The following SLC28A3 variants were observed in gnomAD, a reference collection of about 807,000 sequenced individuals.
SLC28A3 encodes the protein concentrative Na(+)-nucleoside cotransporter 3.
In SLC28A3, 68 loss-of-function variants were observed where a neutral mutation model predicts 84.2. That is an observed-to-expected ratio of 0.81 (90% CI 0.66 to 0.99). SLC28A3 has a LOEUF of 0.99. SLC28A3 is among the 50% of genes least tolerant of loss of function. The pLI, the probability that SLC28A3 is intolerant of heterozygous loss-of-function variation, is 0.00. For missense variants in SLC28A3, 712 were observed against 841.5 expected (o/e 0.85, Z 1.90); for synonymous variants, 267 against 303.6 (o/e 0.88, Z 1.25).
upstream of SLC28A3, among the ~76,000 whole-genome samples, chr9:84,344,479 G>C (rs753312041): frequency 2.0e-5 from 3 of 152,124 alleles, no homozygotes; most frequent in Non-Finnish European, 4.4e-5. Flanking sequence ...GTGAGCCACC[G>C]CACCCGGCCC....
At chr9:84,314,275 T>C (rs1274337762) in intron 1 of SLC28A3, among the ~76,000 whole-genome samples, 2 of 152,194 alleles carry the variant, frequency 1.3e-5, no homozygotes, top group Non-Finnish European at 2.9e-5. Context: ...TTTGCTCTTA[T>C]AGGGCCGTCC....
upstream of SLC28A3, among the ~76,000 whole-genome samples, chr9:84,344,274 C>T (rs148042577): frequency 3.8e-3 from 565 of 150,612 alleles, 7 homozygotes; most frequent in African/African-American, 0.013. Context: ...CTGCAACCTC[C>T]GACTTCCGGG....
At chr9:84,346,125 T>C in the SLC28A3 span, among the ~76,000 whole-genome samples, 104 of 152,346 alleles carry the variant, frequency 6.8e-4, no homozygotes, top group African/African-American at 2.1e-3. Context: ...TTTTAAACTT[T>C]GAAACCATTG....
chr9:84,352,399 G>T, the SLC28A3 span, among the ~76,000 whole-genome samples: 1 of 151,740 alleles, frequency 6.6e-6, no homozygotes, highest in Admixed American at 6.6e-5. Context: ...TGGCCAGGCT[G>T]GTCTTGAACT....
At chr9:84,352,039 AAG>A in the SLC28A3 span, among the ~76,000 whole-genome samples, 4 of 152,210 alleles carry the variant, frequency 2.6e-5, no homozygotes, top group Non-Finnish European at 5.9e-5. Context: ...AAGTTACAAA[AAG>A]AGATGCTTTT....
At chr9:84,328,046 A>T (rs1826632602) in intron 1 of SLC28A3, among the ~76,000 whole-genome samples, 1 of 151,794 alleles carries the variant, frequency 6.6e-6, no homozygotes, top group Non-Finnish European at 1.5e-5. Context: ...TAGCTGCCTG[A>T]GGTGGTGGTA....
intron 5 of SLC28A3, among the ~76,000 whole-genome samples, chr9:84,300,677 T>G (rs1825593973): frequency 6.6e-6 from 1 of 152,190 alleles, no homozygotes; most frequent in Non-Finnish European, 1.5e-5. Context: ...GGGGGCCACC[T>G]GAAGGGAGAG....
chr9:84,336,716 T>C (rs1011418603), intron 1 of SLC28A3, among the ~76,000 whole-genome samples: 2 of 152,128 alleles, frequency 1.3e-5, no homozygotes, highest in African/African-American at 2.4e-5. Context: ...TTCTGAGCGA[T>C]TCCTTCTAAA....
At chr9:84,307,437 A>AAAAAAAAAAAAAAAC (rs1554726619) in intron 3 of SLC28A3, among the ~76,000 whole-genome samples, 3 of 111,006 alleles carry the variant, frequency 2.7e-5, no homozygotes, top group African/African-American at 6.7e-5. Flanking sequence ...TCTCAAAAAA[A>AAAAAAAAAAAAAAAC]AAAAAAAACA....
chr9:84,361,874 A>G, the SLC28A3 span, among the ~76,000 whole-genome samples: 1 of 150,810 alleles, frequency 6.6e-6, no homozygotes, highest in East Asian at 1.9e-4. Context: ...GCGCCATGGC[A>G]CTGTAGCCTG....
the SLC28A3 span, among the ~76,000 whole-genome samples, chr9:84,356,789 C>T: frequency 6.6e-6 from 1 of 151,962 alleles, no homozygotes; most frequent in South Asian, 2.1e-4. Context: ...TGAGATCACG[C>T]CACTGCACTC....
At chr9:84,315,419 A>G (rs143141591) in intron 1 of SLC28A3, among the ~76,000 whole-genome samples, 94 of 152,276 alleles carry the variant, frequency 6.2e-4, no homozygotes, top group African/African-American at 2.2e-3. Context: ...TTCTAATTCT[A>G]TTAGGAGATT....
rs757957901 is a variant in SLC28A3, at chr9:84,280,807, C to T, written c.1723G>A (p.Gly575Arg). The T allele has an allele frequency of 1.4e-5, 22 of 1,613,742 alleles. No homozygotes were observed. Among genetic ancestry groups the T allele is most frequent in the Middle Eastern group, 1.6e-4 (1 of 6,084 alleles). Residue 575 changes from glycine (G) to arginine (R), a missense_variant, in exon 15 of 18, where the codon GGA becomes AGA. By Grantham distance (125) the Gly-to-Arg change is moderately radical. Coordinates refer to ENST00000376238, the MANE Select transcript of SLC28A3 (RefSeq NM_001199633.2). ...GAATGTTCTTTTCACTTACTGAGTC[C>T]GCCGATCACGATTCCTAGGGACCCG... is the stretch of plus-strand genomic sequence containing the variant. ...NIGSLGIVIGGLTSMAPSRKR... is the reference protein window; with the variant it reads ...NIGSLGIVIGRLTSMAPSRKR...
intron 1 of SLC28A3, among the ~76,000 whole-genome samples, chr9:84,316,263 C>T (rs922489516): frequency 9.2e-5 from 14 of 152,242 alleles, no homozygotes; most frequent in Non-Finnish European, 1.9e-4. Flanking sequence ...AAATGACTCC[C>T]CTATTTGTGG....
At chr9:84,355,061 C>T in the SLC28A3 span, among the ~76,000 whole-genome samples, 3 of 152,042 alleles carry the variant, frequency 2.0e-5, no homozygotes, top group African/African-American at 7.3e-5. Context: ...ATTTTGTGAT[C>T]CTTTGAGCAG....
chr9:84,290,040 G>A, intron 11 of SLC28A3, 114 bp downstream of exon 11: 2 of 1,402,796 alleles, frequency 1.4e-6, no homozygotes, highest in Non-Finnish European at 1.9e-6. Context: ...TTGCCATATG[G>A]CAAAAAAAGA....
chr9:84,322,358 T>A (rs1036378359), intron 1 of SLC28A3, among the ~76,000 whole-genome samples: 13 of 152,336 alleles, frequency 8.5e-5, no homozygotes, highest in African/African-American at 3.1e-4. Flanking sequence ...AAAGTCATGT[T>A]TTGCTTCTGC....
At chr9:84,307,447 A>AAAAAAAGCG (rs1364645404) in intron 3 of SLC28A3, among the ~76,000 whole-genome samples, 1 of 145,280 alleles carries the variant, frequency 6.9e-6, no homozygotes, top group Non-Finnish European at 1.5e-5. Context: ...AAAAAAAAAC[A>AAAAAAAGCG]AAAACAAAAA....
chr9:84,280,455 C>T (rs908410231), intron 15 of SLC28A3, among the ~76,000 whole-genome samples: 1 of 152,196 alleles, frequency 6.6e-6, no homozygotes, highest in African/African-American at 2.4e-5. Context: ...GTGGCAGACA[C>T]CACTAAGAAA....
Sources: gnomAD v4.1 joint callset for allele counts (sites outside exome capture counted in the v4.1 genomes callset) on GRCh38, gnomAD v4.1.1 for gene constraint, MANE v1.5 for transcripts, NCBI Gene and HGNC (gene_info 2026-07-23, HGNC 2026-07-21) for gene names.